NAALADL2: variants seen among roughly 807,000 people sequenced by gnomAD.
NAALADL2 encodes the protein inactive N-acetylated-alpha-linked acidic dipeptidase-like protein 2.
A neutral mutation model predicts 87.2 loss-of-function variants in NAALADL2; 76 were observed. The ratio of observed to expected loss-of-function variants is 0.87; its 90% confidence interval spans 0.72 to 1.05. The LOEUF (loss-of-function observed/expected upper bound fraction) is 1.05. Ranked by LOEUF, NAALADL2 falls within the 50% of genes least tolerant of loss-of-function variation. The pLI, the probability that NAALADL2 is intolerant of heterozygous loss-of-function variation, is 0.00. For missense variants in NAALADL2, 1,089 were observed against 945.8 expected, an observed-to-expected ratio of 1.15 and a Z score of -1.99; for synonymous variants, 354 against 331.0, an observed-to-expected ratio of 1.07 and a Z score of -0.75.
intron 5 of NAALADL2, among the ~76,000 whole-genome samples, chr3:175,361,157 T>C (rs1764963190): frequency 6.6e-6 from 1 of 152,086 alleles, no homozygotes; most frequent in Admixed American, 6.6e-5. Flanking sequence ...CTCAGAATGA[T>C]GTTTTCCAGT....
chr3:175,310,233 A>G (rs1758193857), intron 4 of NAALADL2, among the ~76,000 whole-genome samples: 1 of 152,212 alleles, frequency 6.6e-6, no homozygotes, highest in African/African-American at 2.4e-5. Context: ...ATAATGCCAA[A>G]ATAAATGACT....
chr3:175,054,135 A>G (rs943146038), intron 1 of NAALADL2, among the ~76,000 whole-genome samples: 7 of 152,270 alleles, frequency 4.6e-5, no homozygotes, highest in African/African-American at 1.7e-4. Context: ...TATTAAAAGC[A>G]GCCAATACCT....
At chr3:174,442,148 G>A (rs1714701504) in intron 1 of NAALADL2, among the ~76,000 whole-genome samples, 1 of 152,170 alleles carries the variant, frequency 6.6e-6, no homozygotes, top group South Asian at 2.1e-4. Context: ...CTGGTGACAG[G>A]TTAACAGAGA....
At chr3:174,733,864 G>A (rs1381512513) in intron 2 of NAALADL2, among the ~76,000 whole-genome samples, 1 of 152,162 alleles carries the variant, frequency 6.6e-6, no homozygotes, top group African/African-American at 2.4e-5. Flanking sequence ...TGATGAATGA[G>A]GGGTCTGGCC....
chr3:174,563,289 C>G (rs1445709378), intron 2 of NAALADL2, among the ~76,000 whole-genome samples: 1 of 150,854 alleles, frequency 6.6e-6, no homozygotes, highest in Non-Finnish European at 1.5e-5. Flanking sequence ...TGCTATAAAC[C>G]TTTTGGTGAT....
chr3:175,800,496 A>T (rs1164245443), intron 13 of NAALADL2, among the ~76,000 whole-genome samples: 2 of 152,020 alleles, frequency 1.3e-5, no homozygotes, highest in East Asian at 3.9e-4. Context: ...TCCCATTTAA[A>T]TTTTTCTGTC....
At chr3:174,523,603 A>G (rs534750145) in intron 1 of NAALADL2, 3 of 152,320 alleles carry the variant, frequency 2.0e-5, no homozygotes, top group East Asian at 1.9e-4. Flanking sequence ...TAGTGGCAAC[A>G]ATGGAATTAC....
At chr3:174,736,816 A>T (rs575735653) in intron 2 of NAALADL2, among the ~76,000 whole-genome samples, 11 of 152,172 alleles carry the variant, frequency 7.2e-5, no homozygotes, top group Non-Finnish European at 1.5e-5. Flanking sequence ...CTTGCCACCC[A>T]GGCTGTTTGT....
intron 10 of NAALADL2, among the ~76,000 whole-genome samples, chr3:175,611,784 G>A (rs1046788576): frequency 6.6e-6 from 1 of 152,108 alleles, no homozygotes; most frequent in Admixed American, 6.6e-5. Flanking sequence ...GTGAAGCATG[G>A]TATATAGTCT....
At chr3:175,081,007 C>T (rs943847531) in intron 1 of NAALADL2, 1 of 152,196 alleles carries the variant, frequency 6.6e-6, no homozygotes, top group African/African-American at 2.4e-5. Flanking sequence ...TCATATCCCT[C>T]TATCCCTCAG....
intron 2 of NAALADL2, among the ~76,000 whole-genome samples, chr3:174,641,288 C>T (rs1254717702): frequency 6.6e-6 from 1 of 152,168 alleles, no homozygotes; most frequent in African/African-American, 2.4e-5. Context: ...TTGAGTGCAG[C>T]CTGTGAGGCC....
At chr3:175,025,479 CAT>C (rs1479427593) in intron 1 of NAALADL2, among the ~76,000 whole-genome samples, 12 of 152,116 alleles carry the variant, frequency 7.9e-5, no homozygotes, top group African/African-American at 2.2e-4. Context: ...TATATAATAA[CAT>C]GTACTATATA....
intron 3 of NAALADL2, among the ~76,000 whole-genome samples, chr3:174,853,026 A>G (rs540521919): frequency 3.3e-5 from 5 of 151,662 alleles, no homozygotes; most frequent in African/African-American, 9.7e-5. Context: ...ATTAAACTAG[A>G]CTCATATCTC....
At chr3:174,795,776 C>G (rs1462894229) in intron 3 of NAALADL2, among the ~76,000 whole-genome samples, 2 of 152,160 alleles carry the variant, frequency 1.3e-5, no homozygotes, top group Non-Finnish European at 2.9e-5. Flanking sequence ...GCATTTCCCT[C>G]ATGACTGTTG....
chr3:174,909,624 G>T (rs1399372096), intron 1 of NAALADL2, among the ~76,000 whole-genome samples: 2 of 152,118 alleles, frequency 1.3e-5, no homozygotes, highest in African/African-American at 4.8e-5. Context: ...TGCACAGACT[G>T]TGGGGTTACC....
At chr3:174,807,307 G>GA (rs147048790) in intron 3 of NAALADL2, among the ~76,000 whole-genome samples, 6,032 of 151,918 alleles carry the variant, frequency 0.04, 424 homozygotes, top group African/African-American at 0.14. Flanking sequence ...ACAGTGAAGT[G>GA]AAAAAAACAC....
chr3:174,829,264 C>G (rs1019232548), intron 3 of NAALADL2, among the ~76,000 whole-genome samples: 2 of 150,668 alleles, frequency 1.3e-5, no homozygotes, highest in African/African-American at 4.9e-5. Context: ...ATCCCTCCCC[C>G]ATCCCCCCAC....
intron 1 of NAALADL2, among the ~76,000 whole-genome samples, chr3:174,510,657 T>G (rs1473455048): frequency 1.3e-5 from 2 of 151,992 alleles, no homozygotes; most frequent in Non-Finnish European, 2.9e-5. Context: ...CTTTTGGTTT[T>G]TTTGATTTTC....
intron 12 of NAALADL2, among the ~76,000 whole-genome samples, chr3:175,738,809 A>G (rs1188328962): frequency 6.6e-6 from 1 of 152,152 alleles, no homozygotes; most frequent in Non-Finnish European, 1.5e-5. Context: ...CAGTGTGTCT[A>G]CTGTAGCAGT....
Sources: allele counts gnomAD v4.1 joint callset (sites outside exome capture counted in the v4.1 genomes callset), GRCh38; gene constraint gnomAD v4.1.1; transcripts MANE v1.5; gene names NCBI Gene and HGNC (gene_info 2026-07-23, HGNC 2026-07-21).